The following UST variants were observed in gnomAD, a reference collection of about 807,000 sequenced individuals.
The protein encoded by UST is chondroitin sulfate 2-O-sulfotransferase.
UST carries 21 observed loss-of-function variants against 45.6 expected under a neutral mutation model. The observed-to-expected ratio is 0.46, with a 90% CI of 0.33 to 0.66. The LOEUF (loss-of-function observed/expected upper bound fraction) is 0.66. Among genes scored for constraint, UST ranks in the 30% least tolerant of loss-of-function variants. UST has a pLI of 0.02. For synonymous variants in UST, 215 were observed against 200.6 expected, an observed-to-expected ratio of 1.07 and a Z score of -0.61; for missense variants, 463 against 512.4, an observed-to-expected ratio of 0.90 and a Z score of 0.93.
rs554204060 is a variant in UST at position 149,075,453 on chromosome 6, G to A, written c.*1337G>A. On this transcript the variant is annotated 3_prime_UTR_variant, in exon 8 of 8. Coordinates refer to ENST00000367463, the MANE Select transcript of UST (RefSeq NM_005715.3). ...GAGACATCAAAAAGAAGCAGCAAGA[G>A]CTTCTGGGACAGAGACTGCTTGGCC... 1.8e-4 allele frequency: 28 copies of A among 152,306 alleles called. No individual in the cohort carries two copies. The highest frequency in any genetic ancestry group is 5.2e-4 in the Admixed American group (8 of 15,294). 9.4% of individuals were successfully genotyped at this position (152,306 alleles called of 1,614,324 possible).
chr6:148,762,869 G>A (rs1776247168), intron 1 of UST, among the ~76,000 whole-genome samples: 1 of 152,118 alleles, frequency 6.6e-6, no homozygotes, highest in Non-Finnish European at 1.5e-5. Context: ...AAAGACATCT[G>A]TATATAGACC....
At chr6:149,004,401 A>C (rs1338533149) in intron 5 of UST, among the ~76,000 whole-genome samples, 2 of 152,190 alleles carry the variant, frequency 1.3e-5, no homozygotes, top group Non-Finnish European at 2.9e-5. Flanking sequence ...TATATAGAGA[A>C]GTGGGGAGCA....
At chr6:149,069,487 G>A (rs1380056891) in intron 7 of UST, among the ~76,000 whole-genome samples, 1 of 152,186 alleles carries the variant, frequency 6.6e-6, no homozygotes, top group Non-Finnish European at 1.5e-5. Context: ...TTTCCTTGAT[G>A]ATTAGCATGT....
At chr6:148,829,136 C>T (rs1479195466) in intron 1 of UST, among the ~76,000 whole-genome samples, 2 of 140,062 alleles carry the variant, frequency 1.4e-5, no homozygotes, top group East Asian at 2.1e-4. Context: ...TCAAGTTAAG[C>T]CCTGGGATGG....
intron 1 of UST, among the ~76,000 whole-genome samples, chr6:148,885,311 C>T (rs1040471343): frequency 6.6e-6 from 1 of 152,152 alleles, no homozygotes; most frequent in Admixed American, 6.5e-5. Context: ...CAGATGGGAG[C>T]TCCAGGCAGC....
At chr6:149,006,873 A>G (rs1260110071) in intron 5 of UST, among the ~76,000 whole-genome samples, 3 of 152,000 alleles carry the variant, frequency 2.0e-5, no homozygotes, top group African/African-American at 7.3e-5. Flanking sequence ...CATTTTTCCC[A>G]CTTTCCATAA....
chr6:149,069,461 G>A (rs1776787911), intron 7 of UST, among the ~76,000 whole-genome samples: 1 of 152,180 alleles, frequency 6.6e-6, no homozygotes, highest in Admixed American at 6.5e-5. Context: ...ATAGCTCATT[G>A]TGGTTTTGAT....
At chr6:148,859,943 G>T (rs1375097301) in intron 1 of UST, among the ~76,000 whole-genome samples, 1 of 152,176 alleles carries the variant, frequency 6.6e-6, no homozygotes, top group Non-Finnish European at 1.5e-5. Context: ...CTCCAGCTTT[G>T]TTCTTTTGGC....
chr6:149,005,317 T>C, intron 5 of UST: 2 of 985,334 alleles, frequency 2.0e-6, no homozygotes, highest in Non-Finnish European at 2.4e-6. Flanking sequence ...AGCCATAGAA[T>C]TGGAGAGGGT....
At chr6:148,755,300 G>C (rs191578722) in intron 1 of UST, among the ~76,000 whole-genome samples, 2 of 152,142 alleles carry the variant, frequency 1.3e-5, no homozygotes, top group Non-Finnish European at 2.9e-5. Context: ...TATTTGCTAC[G>C]TATGTTTCTC....
At chr6:149,023,274 A>T (rs1381888738) in intron 7 of UST, among the ~76,000 whole-genome samples, 7 of 152,176 alleles carry the variant, frequency 4.6e-5, no homozygotes, top group Non-Finnish European at 1.5e-5. Context: ...CAACTTTGTT[A>T]CTGTCTGCTC....
intron 1 of UST, among the ~76,000 whole-genome samples, chr6:148,782,697 C>G (rs145105033): frequency 6.6e-6 from 1 of 152,244 alleles, no homozygotes; most frequent in Non-Finnish European, 1.5e-5. Context: ...GGGTGATCCA[C>G]CTGCCTCGGC....
rs553603516 is a variant in UST at position 148,915,626 on chromosome 6, C to T, written c.292-25653C>T. 5.3e-5 allele frequency among the ~76,000 whole-genome samples: 8 copies of T among 152,232 alleles called. No homozygotes were observed. In the East Asian group the frequency reaches 7.7e-4, roughly 15 times the overall value. On this transcript the variant is annotated intron_variant, in intron 2 of 7. Transcript: ENST00000367463. The stretch of plus-strand genomic sequence containing the variant: ...TTCAAAGACTTTGGGCAGCCACAAA[C>T]GATAAACATCCATTACATGTAGTTT...
rs1433575959 is a variant in UST at position 148,747,287 on chromosome 6, A to G, written c.-144A>G. ...CCGAAGAAAGTCTCCTGAGCCCGGC[A>G]ACTTCGGCCCCTCCCCGCCCCCACC... On this transcript the variant is annotated 5_prime_UTR_variant, in exon 1 of 8. Transcript: ENST00000367463. The G allele has an allele frequency of 6.3e-5, 62 of 991,904 alleles. No individual in the cohort carries two copies. Among genetic ancestry groups the G allele is most frequent in the Non-Finnish European group, 8.1e-5 (61 of 754,498 alleles). 61.4% of individuals were successfully genotyped at this position (991,904 alleles called of 1,614,324 possible). A position where few individuals can be genotyped will look rare whatever the true frequency, so the allele number is the denominator to read the frequency against.
At chr6:148,861,881 G>C (rs934358800) in intron 1 of UST, among the ~76,000 whole-genome samples, 4 of 152,166 alleles carry the variant, frequency 2.6e-5, no homozygotes, top group Non-Finnish European at 5.9e-5. Context: ...TGTGATTTCT[G>C]TTCTTTTACA....
chr6:149,073,818 C>T lies in UST; in HGVS notation c.938-15C>T. On this transcript the variant is annotated splice_polypyrimidine_tract_variant and intron_variant, in intron 7 of 7. Transcript: ENST00000367463. ...TGCAAATGATGGCTCATGTGCGACC[C>T]CGGTTCTCTTCCAGAGCACAGGAAG... The T allele has an allele frequency of 6.2e-7, 1 of 1,609,714 alleles. No homozygotes were observed. Among genetic ancestry groups the T allele is most frequent in the Non-Finnish European group, 8.5e-7 (1 of 1,176,750 alleles).
chr6:148,997,213 GA>G (rs1303602350), intron 5 of UST, among the ~76,000 whole-genome samples: 2 of 152,214 alleles, frequency 1.3e-5, no homozygotes, highest in African/African-American at 2.4e-5. Flanking sequence ...AGCTGTGAGA[GA>G]AATCTCAAAT....
chr6:148,897,608 C>T (rs1173326196), intron 2 of UST, among the ~76,000 whole-genome samples: 1 of 152,078 alleles, frequency 6.6e-6, no homozygotes, highest in Non-Finnish European at 1.5e-5. Flanking sequence ...CTTCCTGCCT[C>T]AGCCTCCCAA....
intron 7 of UST, among the ~76,000 whole-genome samples, chr6:149,028,334 T>C (rs1351878903): frequency 6.6e-6 from 1 of 152,174 alleles, no homozygotes; most frequent in Non-Finnish European, 1.5e-5. Flanking sequence ...GATCAATCCA[T>C]GTAGAGTCCT....
Sources: gnomAD v4.1 joint callset for allele counts (sites outside exome capture counted in the v4.1 genomes callset) on GRCh38, gnomAD v4.1.1 for gene constraint, MANE v1.5 for transcripts, NCBI Gene and HGNC (gene_info 2026-07-23, HGNC 2026-07-21) for gene names.